The following PARD3B variants were observed in gnomAD, a reference collection of about 807,000 sequenced individuals.
The protein encoded by PARD3B is partitioning defective 3 homolog B.
Under a neutral mutation model 130.2 loss-of-function variants are expected in PARD3B, and 103 were observed. The observed-to-expected ratio is 0.79, with a 90% CI of 0.67 to 0.93. PARD3B has a LOEUF of 0.93. Ranked by LOEUF, PARD3B falls within the 40% of genes least tolerant of loss-of-function variation. PARD3B has a pLI of 0.00. For missense variants in PARD3B, 1,609 were observed against 1,499.2 expected (o/e 1.07, Z -1.21); for synonymous variants, 583 against 553.2 (o/e 1.05, Z -0.76).
At chr2:204,584,550 A>G (rs957638522) in intron 1 of PARD3B, among the ~76,000 whole-genome samples, 1 of 152,190 alleles carries the variant, frequency 6.6e-6, no homozygotes, top group African/African-American at 2.4e-5. Flanking sequence ...ATTCTAGTGC[A>G]GTGGTCCCCA....
chr2:204,880,319 T>A (rs2045991499), intron 2 of PARD3B, among the ~76,000 whole-genome samples: 1 of 152,188 alleles, frequency 6.6e-6, no homozygotes, highest in East Asian at 1.9e-4. Context: ...TATAGGTATA[T>A]CATACATATA....
rs2054348155 is a variant in PARD3B at position 205,590,496 on chromosome 2, A to G, written c.3261-24960A>G. Among the ~76,000 whole-genome samples, 1 of 152,184 alleles carries G rather than the reference A, an allele frequency of 6.6e-6. No individual in the cohort carries two copies. On this transcript the variant is annotated intron_variant, in intron 22 of 22. Coordinates refer to ENST00000406610, the MANE Select transcript of PARD3B (RefSeq NM_001302769.2). This position sits in a 1 kb window ranked among gnomAD's most constrained non-coding sequence, Gnocchi z 4.1. ...CGCGGTATGTTTTTAACCATACACA[A>G]TCACTGTGCCCGAGGGGATGGAACG...
chr2:205,363,667 G>C (rs11681498), intron 18 of PARD3B, among the ~76,000 whole-genome samples: 5,055 of 151,678 alleles, frequency 0.033, 99 homozygotes, highest in Middle Eastern at 0.059. Context: ...GTTTTGTTTT[G>C]TTTTCTTTTC....
chr2:204,685,699 G>A (rs549216161), intron 1 of PARD3B, among the ~76,000 whole-genome samples: 12 of 152,270 alleles, frequency 7.9e-5, no homozygotes, highest in Admixed American at 1.3e-4. Context: ...GATTTAAACA[G>A]GTGAAGATGT....
intron 18 of PARD3B, among the ~76,000 whole-genome samples, chr2:205,324,224 T>C (rs2042859372): frequency 6.6e-6 from 1 of 152,180 alleles, no homozygotes; most frequent in Admixed American, 6.5e-5. Context: ...ATCTGTAAAA[T>C]AAATTCTTCT....
At chr2:205,211,625 G>T (rs1319875609) in intron 15 of PARD3B, among the ~76,000 whole-genome samples, 9 of 152,054 alleles carry the variant, frequency 5.9e-5, no homozygotes, top group African/African-American at 2.2e-4. Flanking sequence ...GACTGGAAAG[G>T]CTAGTGTTTC....
chr2:205,453,992 C>A lies in PARD3B; in HGVS notation c.3044+13320C>A, dbSNP rs925980678. On this transcript the variant is annotated intron_variant, in intron 20 of 22. Coordinates refer to ENST00000406610, the MANE Select transcript of PARD3B (RefSeq NM_001302769.2). ...CAGATATTTCTCCCTTCCTCCCTTT[C>A]TCCCTCATTTATTCATTCATTAACT... Among the ~76,000 whole-genome samples, 7 of 150,728 alleles carry A rather than the reference C, an allele frequency of 4.6e-5. No individual in the cohort carries two copies. The East Asian group carries it at 1.2e-3, about 25-fold the overall frequency.
chr2:204,633,107 T>C (rs1304752643), intron 1 of PARD3B, among the ~76,000 whole-genome samples: 1 of 152,208 alleles, frequency 6.6e-6, no homozygotes, highest in South Asian at 2.1e-4. Flanking sequence ...AGCAGTGAGA[T>C]TGCCAGATCA....
At chr2:204,671,226 C>A (rs899055380) in intron 1 of PARD3B, among the ~76,000 whole-genome samples, 1 of 152,112 alleles carries the variant, frequency 6.6e-6, no homozygotes, top group African/African-American at 2.4e-5. Context: ...TGGCATGTGA[C>A]CCCCAGTCTT....
At chr2:205,226,461 G>C (rs761414795) in intron 15 of PARD3B, among the ~76,000 whole-genome samples, 47 of 152,236 alleles carry the variant, frequency 3.1e-4, no homozygotes, top group Non-Finnish European at 4.3e-4. Context: ...TTTCCCTGAT[G>C]TTTTCTTGTA....
intron 3 of PARD3B, among the ~76,000 whole-genome samples, chr2:205,009,665 C>T (rs10203124): frequency 0.27 from 33,395 of 125,538 alleles, 4,186 homozygotes; most frequent in South Asian, 0.56. Context: ...AGCGAGACTC[C>T]GTCTCAAAAA....
At chr2:205,041,171 G>T (rs1698373048) in intron 3 of PARD3B, among the ~76,000 whole-genome samples, 1 of 152,008 alleles carries the variant, frequency 6.6e-6, no homozygotes, top group Non-Finnish European at 1.5e-5. Context: ...GTATCTACCT[G>T]CTCATTCTAG....
chr2:205,055,941 G>A (rs1204461724), intron 4 of PARD3B, among the ~76,000 whole-genome samples: 2 of 152,140 alleles, frequency 1.3e-5, no homozygotes, highest in African/African-American at 2.4e-5. Flanking sequence ...TGGAGGGAAA[G>A]CTACTACCTA....
chr2:205,607,831 T>TACACACACACACACACAC (rs776583001), intron 22 of PARD3B, among the ~76,000 whole-genome samples: 3 of 116,182 alleles, frequency 2.6e-5, no homozygotes, highest in Admixed American at 8.3e-5. Flanking sequence ...CCAACACCCA[T>TACACACACACACACACAC]ACACACACAC....
At chr2:205,088,875 C>T (rs963135878) in intron 4 of PARD3B, among the ~76,000 whole-genome samples, 2 of 151,276 alleles carry the variant, frequency 1.3e-5, no homozygotes, top group Non-Finnish European at 2.9e-5. Flanking sequence ...CTCACTGCAA[C>T]CTCTGCCTCC....
intron 20 of PARD3B, among the ~76,000 whole-genome samples, chr2:205,476,105 T>G (rs2049012618): frequency 6.6e-6 from 1 of 152,176 alleles, no homozygotes; most frequent in African/African-American, 2.4e-5. Context: ...ACAAAATTAA[T>G]GCAGTTCTTT....
rs1297532043 is a variant in PARD3B at position 204,678,827 on chromosome 2, G to A, written c.121-7354G>A. Among the ~76,000 whole-genome samples, 1 of 152,106 alleles carries A rather than the reference G, an allele frequency of 6.6e-6. No individual in the cohort carries two copies. The highest frequency in any genetic ancestry group is 1.9e-4 in the East Asian group (1 of 5,184). ...GGCTGCAGATTCCAGGCTCGAGGGT[G>A]GGTTCTTTGCCAGGGAGCTGCCCTC... On this transcript the variant is annotated intron_variant, in intron 1 of 22. Transcript: ENST00000406610. This position sits in a 1 kb window ranked among gnomAD's most constrained non-coding sequence, Gnocchi z 4.2.
intron 1 of PARD3B, among the ~76,000 whole-genome samples, chr2:204,659,619 A>T (rs1451789818): frequency 1.3e-5 from 2 of 152,110 alleles, no homozygotes; most frequent in African/African-American, 2.4e-5. Flanking sequence ...TCCCAAGAGG[A>T]GCTAGTCAGA....
At chr2:205,579,055 C>T (rs538992432) in intron 22 of PARD3B, among the ~76,000 whole-genome samples, 12 of 152,182 alleles carry the variant, frequency 7.9e-5, no homozygotes, top group East Asian at 1.9e-4. Context: ...ATTAGCAAAA[C>T]GTAAAAATGT....
Sources: allele counts gnomAD v4.1 joint callset (sites outside exome capture counted in the v4.1 genomes callset), GRCh38; gene constraint gnomAD v4.1.1; non-coding constraint Gnocchi (gnomAD v3.1); transcripts MANE v1.5; gene names NCBI Gene and HGNC (gene_info 2026-07-23, HGNC 2026-07-21).